ZBTB20: variants seen among roughly 807,000 people sequenced by gnomAD.
The protein encoded by ZBTB20 is zinc finger and BTB domain containing 20.
A neutral mutation model predicts 56.9 loss-of-function variants in ZBTB20; 9 were observed. The observed-to-expected ratio is 0.16, with a 90% CI of 0.10 to 0.28. The LOEUF (loss-of-function observed/expected upper bound fraction) is 0.28, where lower values mean the gene tolerates loss of function less well. Among genes scored for constraint, ZBTB20 ranks in the 10% least tolerant of loss-of-function variants. ZBTB20 has a pLI of 1.00. For missense variants in ZBTB20, 655 were observed against 1,003.0 expected, an observed-to-expected ratio of 0.65 and a Z score of 4.69; for synonymous variants, 417 against 420.7, an observed-to-expected ratio of 0.99 and a Z score of 0.11.
intron 1 of ZBTB20, among the ~76,000 whole-genome samples, chr3:115,072,963 G>A (rs1404055776): frequency 6.6e-6 from 1 of 152,180 alleles, no homozygotes; most frequent in Non-Finnish European, 1.5e-5. Flanking sequence ...TTATGAGATT[G>A]TTGTGAAGAA....
chr3:114,404,434 G>A (rs959164751), intron 7 of ZBTB20, among the ~76,000 whole-genome samples: 58 of 152,078 alleles, frequency 3.8e-4, no homozygotes, highest in African/African-American at 1.4e-3. Context: ...AGCTCTGTTT[G>A]AATAATTTAC....
intron 5 of ZBTB20, among the ~76,000 whole-genome samples, chr3:114,799,069 T>C (rs2071530254): frequency 6.6e-6 from 1 of 151,952 alleles, no homozygotes; most frequent in Non-Finnish European, 1.5e-5. Flanking sequence ...GAAAAGTTGG[T>C]CCTAGCTTTT....
At chr3:114,962,120 T>C (rs953586106) in intron 3 of ZBTB20, among the ~76,000 whole-genome samples, 49 of 152,218 alleles carry the variant, frequency 3.2e-4, no homozygotes, top group African/African-American at 1.2e-3. Context: ...ACTACAAAAA[T>C]GAATACATGC....
chr3:114,341,424 A>G (rs1321196630), intron 11 of ZBTB20, among the ~76,000 whole-genome samples: 2 of 152,176 alleles, frequency 1.3e-5, no homozygotes, highest in African/African-American at 2.4e-5. Flanking sequence ...CTGGCCAACT[A>G]TCATTTAAAA....
intron 4 of ZBTB20, among the ~76,000 whole-genome samples, chr3:114,833,223 C>T (rs1174001926): frequency 1.3e-5 from 2 of 152,080 alleles, no homozygotes; most frequent in African/African-American, 2.4e-5. Context: ...ACTCAGGTTG[C>T]CGAATACTAA....
At chr3:114,916,650 A>C (rs2075757449) in intron 3 of ZBTB20, among the ~76,000 whole-genome samples, 1 of 152,118 alleles carries the variant, frequency 6.6e-6, no homozygotes, top group Non-Finnish European at 1.5e-5. Context: ...TGTTTGAAGG[A>C]CATTTCACCA....
chr3:114,742,761 T>G (rs2066709406), intron 5 of ZBTB20, among the ~76,000 whole-genome samples: 1 of 152,134 alleles, frequency 6.6e-6, no homozygotes, highest in South Asian at 2.1e-4. Context: ...TGGCAAGCTT[T>G]TAAAACCTAC....
intron 5 of ZBTB20, among the ~76,000 whole-genome samples, chr3:114,725,954 T>G (rs1046277401): frequency 5.3e-5 from 8 of 152,190 alleles, no homozygotes; most frequent in African/African-American, 1.9e-4. Context: ...AGTAACTCAC[T>G]GAGGGGGTTG....
chr3:114,607,299 ATTCATT>A (rs966910963), intron 6 of ZBTB20, among the ~76,000 whole-genome samples: 5 of 99,144 alleles, frequency 5.0e-5, no homozygotes, highest in African/African-American at 2.0e-4. Flanking sequence ...AAAACTGTTC[ATTCATT>A]TTTTTTTTTT....
chr3:114,761,623 T>TCTATGAC (rs1170575001), intron 5 of ZBTB20, among the ~76,000 whole-genome samples: 1 of 152,044 alleles, frequency 6.6e-6, no homozygotes, highest in Non-Finnish European at 1.5e-5. Context: ...TCACCTGAAG[T>TCTATGAC]CAGGAGTTCG....
chr3:114,943,910 C>CAAA (rs367766907), intron 3 of ZBTB20, among the ~76,000 whole-genome samples: 5 of 59,090 alleles, frequency 8.5e-5, no homozygotes, highest in African/African-American at 2.2e-4. Flanking sequence ...AAACCAACTA[C>CAAA]AAAAAAAAAA....
chr3:114,809,500 C>T (rs2072356663), intron 4 of ZBTB20, among the ~76,000 whole-genome samples: 1 of 151,840 alleles, frequency 6.6e-6, no homozygotes, highest in African/African-American at 2.4e-5. Context: ...TTTTTAACTC[C>T]AGAATTTTTG....
intron 4 of ZBTB20, among the ~76,000 whole-genome samples, chr3:114,831,560 C>T (rs2073845809): frequency 6.6e-6 from 1 of 152,046 alleles, no homozygotes; most frequent in Non-Finnish European, 1.5e-5. Flanking sequence ...ATAGCGCTTA[C>T]AGCCTGCTAG....
intron 7 of ZBTB20, among the ~76,000 whole-genome samples, chr3:114,424,186 T>A (rs982785419): frequency 6.6e-6 from 1 of 152,230 alleles, no homozygotes; most frequent in Non-Finnish European, 1.5e-5. Flanking sequence ...CAATGTATTA[T>A]TCAGCAACTT....
chr3:114,915,003 G>A (rs1185888172), intron 3 of ZBTB20, among the ~76,000 whole-genome samples: 2 of 151,472 alleles, frequency 1.3e-5, no homozygotes, highest in African/African-American at 4.8e-5. Context: ...TGTTCATCAG[G>A]GATATTGGCC....
At chr3:114,589,955 T>C (rs2055574291) in intron 6 of ZBTB20, among the ~76,000 whole-genome samples, 1 of 152,176 alleles carries the variant, frequency 6.6e-6, no homozygotes, top group Non-Finnish European at 1.5e-5. Flanking sequence ...CATGTTAACT[T>C]CATATTTTTG....
chr3:114,503,106 T>C (rs1262755510), intron 6 of ZBTB20, among the ~76,000 whole-genome samples: 1 of 152,122 alleles, frequency 6.6e-6, no homozygotes, highest in African/African-American at 2.4e-5. Context: ...TCAATGTAAG[T>C]TGTACCCAAA....
chr3:114,985,579 A>C (rs2078504583), intron 2 of ZBTB20, among the ~76,000 whole-genome samples: 1 of 152,102 alleles, frequency 6.6e-6, no homozygotes, highest in South Asian at 2.1e-4. Context: ...TTATGATGTC[A>C]AAAACAATTG....
chr3:114,819,811 C>T (rs1410316415), intron 4 of ZBTB20, among the ~76,000 whole-genome samples: 2 of 151,756 alleles, frequency 1.3e-5, no homozygotes, highest in Admixed American at 1.3e-4. Context: ...AAATATTTAA[C>T]ATTTTCTCAC....
Sources: allele counts gnomAD v4.1 joint callset (sites outside exome capture counted in the v4.1 genomes callset), GRCh38; gene constraint gnomAD v4.1.1; transcripts MANE v1.5; gene names NCBI Gene and HGNC (gene_info 2026-07-23, HGNC 2026-07-21).